The following CAMK1D variants were observed in gnomAD, a reference collection of about 807,000 sequenced individuals.
The protein encoded by CAMK1D is calcium/calmodulin-dependent protein kinase type 1D.
CAMK1D carries 9 observed loss-of-function variants against 47.7 expected under a neutral mutation model. The observed-to-expected ratio is 0.19, with a 90% CI of 0.11 to 0.33. The LOEUF is 0.33. Among genes scored for constraint, CAMK1D ranks in the 10% least tolerant of loss-of-function variants. The pLI is 1.00. For missense variants in CAMK1D, 291 were observed against 488.7 expected (o/e 0.60, Z 3.81); for synonymous variants, 184 against 184.9 (o/e 0.99, Z 0.04).
rs754582739 is a variant in CAMK1D at position 12,761,097 on chromosome 10, C to T, written c.438+11C>T. On this transcript the variant is annotated intron_variant, in intron 4 of 10. Transcript: ENST00000619168. ...CACAGAGACCTCAAGGTGAGGCCAT[C>T]GCTCAGCAGCATCCTGCAGCCACTC... The T allele has an allele frequency of 4.3e-6, 7 of 1,611,232 alleles. No individual in the cohort carries two copies. The South Asian group carries it at 5.5e-5, about 13-fold the overall frequency.
In CAMK1D at chr10:12,831,521, T is replaced by C. The variant is rs565858636; in HGVS notation, c.*2634T>C. 6.6e-5 allele frequency: 10 copies of C among 152,356 alleles called. No homozygotes were observed. In the East Asian group the frequency reaches 1.9e-3, roughly 29 times the overall value. The allele number at this position is 152,356 out of a possible 1,614,324, so 9.4% of individuals were successfully genotyped here. ...TTCAGGAGCAGATACATGTGGTGCA[T>C]GTTATATGCACTTAGTTTGAAAGTA... On this transcript the variant is annotated 3_prime_UTR_variant, in exon 11 of 11. Coordinates refer to ENST00000619168, the MANE Select transcript of CAMK1D (RefSeq NM_153498.4).
chr10:12,574,468 ATTTTTTTTTTTT>A (rs1171556305), intron 2 of CAMK1D, among the ~76,000 whole-genome samples: 15 of 61,370 alleles, frequency 2.4e-4, no homozygotes, highest in South Asian at 6.7e-4. Context: ...CGCCTAGCTA[ATTTTTTTTTTTT>A]TTTTTTTTTT....
chr10:12,604,646 C>T (rs1838397804), intron 2 of CAMK1D, among the ~76,000 whole-genome samples: 1 of 152,116 alleles, frequency 6.6e-6, no homozygotes, highest in Admixed American at 6.6e-5. Flanking sequence ...TTGAGCATTT[C>T]TAGGGAGTTG....
chr10:12,741,022 C>T (rs775712854), intron 3 of CAMK1D, among the ~76,000 whole-genome samples: 1 of 152,226 alleles, frequency 6.6e-6, no homozygotes, highest in Non-Finnish European at 1.5e-5. Flanking sequence ...TTTTCCACAT[C>T]ATCCTTTTGA....
intron 1 of CAMK1D, among the ~76,000 whole-genome samples, chr10:12,355,321 A>G (rs1837476222): frequency 6.6e-6 from 1 of 152,130 alleles, no homozygotes; most frequent in Admixed American, 6.6e-5. Flanking sequence ...GTCTTTTCCC[A>G]CTCATCTCAC....
At chr10:12,820,968 G>C (rs983710778) in intron 8 of CAMK1D, among the ~76,000 whole-genome samples, 4 of 152,216 alleles carry the variant, frequency 2.6e-5, no homozygotes, top group Admixed American at 2.0e-4. Flanking sequence ...TCATCTCTAG[G>C]CTCATTGATA....
At chr10:12,735,423 A>C (rs1204078366) in intron 3 of CAMK1D, among the ~76,000 whole-genome samples, 1 of 152,150 alleles carries the variant, frequency 6.6e-6, no homozygotes, top group Non-Finnish European at 1.5e-5. Flanking sequence ...GCCTGCAGTG[A>C]GCCGAGATTG....
At chr10:12,755,069 A>C in intron 3 of CAMK1D, among the ~76,000 whole-genome samples, 1 of 152,214 alleles carries the variant, frequency 6.6e-6, no homozygotes, top group East Asian at 1.9e-4. Flanking sequence ...TATATTTTGG[A>C]AATTTCTGAA....
chr10:12,644,249 C>G (rs1280061609), intron 2 of CAMK1D, among the ~76,000 whole-genome samples: 1 of 152,168 alleles, frequency 6.6e-6, no homozygotes, highest in Non-Finnish European at 1.5e-5. Flanking sequence ...CTGAGTAAAA[C>G]AAGCAGGGCA....
chr10:12,784,002 G>A (rs1402432596), intron 5 of CAMK1D, among the ~76,000 whole-genome samples: 1 of 152,086 alleles, frequency 6.6e-6, no homozygotes. Context: ...TGGTTTACAT[G>A]GAGCTTAACT....
intron 1 of CAMK1D, among the ~76,000 whole-genome samples, chr10:12,429,608 G>C (rs2131986984): frequency 6.6e-6 from 1 of 152,228 alleles, no homozygotes; most frequent in East Asian, 1.9e-4. Flanking sequence ...CCAAAGTGCT[G>C]GGATTACAGG....
chr10:12,532,444 T>C (rs534287368), intron 1 of CAMK1D, among the ~76,000 whole-genome samples: 129 of 152,278 alleles, frequency 8.5e-4, no homozygotes, highest in Admixed American at 1.6e-3. Flanking sequence ...TACGCCTGGC[T>C]AATTTTTTGT....
rs538811651 is a variant in CAMK1D at position 12,831,963 on chromosome 10, C to T, written c.*3076C>T. ...GACCCGCACCAAGGTCAGAGTCCAC[C>T]TGTAGAGGCTGAGCATTTCTACATG... On this transcript the variant is annotated 3_prime_UTR_variant, in exon 11 of 11. Coordinates refer to ENST00000619168, the MANE Select transcript of CAMK1D (RefSeq NM_153498.4). The T allele has an allele frequency of 6.6e-6, 1 of 152,330 alleles. No homozygotes were observed. Among genetic ancestry groups the T allele is most frequent in the Admixed American group, 6.5e-5 (1 of 15,298 alleles). 9.4% of individuals were successfully genotyped at this position (152,330 alleles called of 1,614,324 possible). A position where few individuals can be genotyped will look rare whatever the true frequency, so the allele number is the denominator to read the frequency against.
At chr10:12,618,657 TATTA>T (rs1483757259) in intron 2 of CAMK1D, among the ~76,000 whole-genome samples, 3 of 152,140 alleles carry the variant, frequency 2.0e-5, no homozygotes, top group Non-Finnish European at 4.4e-5. Context: ...TTTTACTAAG[TATTA>T]ATTGAGTACT....
At chr10:12,628,216 C>G (rs1421545704) in intron 2 of CAMK1D, among the ~76,000 whole-genome samples, 1 of 152,056 alleles carries the variant, frequency 6.6e-6, no homozygotes, top group Non-Finnish European at 1.5e-5. Context: ...AGGTAAATAT[C>G]TACGAATGGA....
At chr10:12,828,601 A>G (rs1268180869) in intron 10 of CAMK1D, among the ~76,000 whole-genome samples, 168 bp from the exon 11 acceptor site, 1 of 151,626 alleles carries the variant, frequency 6.6e-6, no homozygotes, top group Non-Finnish European at 1.5e-5. Context: ...AGATCGTGCC[A>G]CTGCACTCCA....
chr10:12,739,388 G>A (rs1173637973), intron 3 of CAMK1D, among the ~76,000 whole-genome samples: 1 of 151,250 alleles, frequency 6.6e-6, no homozygotes, highest in Non-Finnish European at 1.5e-5. Context: ...CAGTTTTCCT[G>A]CCTCAGCCTC....
chr10:12,564,139 C>G (rs978587388), intron 2 of CAMK1D, among the ~76,000 whole-genome samples: 2 of 95,210 alleles, frequency 2.1e-5, no homozygotes, highest in South Asian at 3.4e-4. Flanking sequence ...CTCTCTCTCT[C>G]TCTCTCTGTC....
intron 2 of CAMK1D, among the ~76,000 whole-genome samples, chr10:12,578,012 A>G (rs1837545406): frequency 1.3e-5 from 2 of 152,198 alleles, no homozygotes; most frequent in African/African-American, 4.8e-5. Flanking sequence ...CAGCGTTTAT[A>G]TTTGCATTAT....
Sources: allele counts gnomAD v4.1 joint callset (sites outside exome capture counted in the v4.1 genomes callset), GRCh38; gene constraint gnomAD v4.1.1; transcripts MANE v1.5; gene names NCBI Gene and HGNC (gene_info 2026-07-23, HGNC 2026-07-21).